Variants in ESRRB observed in about 807,000 individuals in gnomAD.
ESRRB encodes estrogen related receptor beta.
ESRRB carries 16 observed loss-of-function variants against 46.0 expected under a neutral mutation model. That is an observed-to-expected ratio of 0.35 (90% CI 0.24 to 0.53). The LOEUF (loss-of-function observed/expected upper bound fraction) is 0.53, where lower values mean the gene tolerates loss of function less well. Ranked by LOEUF, ESRRB falls within the 20% of genes least tolerant of loss-of-function variation. ESRRB has a pLI of 0.93. For synonymous variants in ESRRB, 246 were observed against 259.6 expected (o/e 0.95, Z 0.50); for missense variants, 488 against 607.4 (o/e 0.80, Z 2.07).
In ESRRB at chr14:76,332,678, ATTATATAT is replaced by A. The variant is rs1327584140; in HGVS notation, c.2+21780_2+21787del. On this transcript the variant is annotated intron_variant, in intron 1 of 6. Transcript: ENST00000512784. ...AAATATATATTATATATATTTATATATTATATATTTATATATTTATATATTATATATAT... is the reference window on the plus strand; with the variant it reads ...AAATATATATTATATATATTTATATATTATATATTTATATATTATATATAT... 3.4e-4 allele frequency among the ~76,000 whole-genome samples: 9 copies of A among 26,744 alleles called. No individual in the cohort carries two copies. The South Asian group carries it at 3.8e-3, about 11-fold the overall frequency. 17.5% of individuals were successfully genotyped at this position (26,744 alleles called of 152,430 possible). A position where few individuals can be genotyped will look rare whatever the true frequency, so the allele number is the denominator to read the frequency against.
upstream of ESRRB, among the ~76,000 whole-genome samples, chr14:76,375,911 C>A (rs1195156298): frequency 1.5e-5 from 2 of 133,938 alleles, no homozygotes; most frequent in African/African-American, 5.5e-5. Flanking sequence ...CCTTTAACTG[C>A]GAGAAGGCAG....
chr14:76,352,202 TA>T lies in ESRRB; in HGVS notation c.2+41290del, dbSNP rs755380918. 9.2e-5 allele frequency among the ~76,000 whole-genome samples: 14 copies of T among 152,200 alleles called. 1 individual carries two copies. Among genetic ancestry groups the T allele is most frequent in the Middle Eastern group, 3.4e-3 (1 of 294 alleles). On this transcript the variant is annotated intron_variant, in intron 1 of 6. Coordinates refer to the ESRRB transcript ENST00000512784. ...TTACCCGCCTGACTTTTTTCGTGTG[TA>T]AAATGAGAATCAGAACAAGTACACG...
chr14:76,439,609 G>A lies in ESRRB; in HGVS notation c.319G>A (p.Asp107Asn). The stretch of plus-strand genomic sequence containing the variant: ...GGACTGTGCCAGCGGCATCATGGAG[G>A]ACTCGGCCATCAAGTGCGAGTACAT... ...YEDCASGIMEDSAIKCEYMLN... is the reference protein window; with the variant it reads ...YEDCASGIMENSAIKCEYMLN... Residue 107 changes from aspartate to asparagine, a missense_variant, in exon 2 of 7, where the codon GAC becomes AAC. Physicochemically the swap from Asp to Asn is conservative, Grantham distance 23 (BLOSUM62 1). Coordinates refer to ENST00000644823, the MANE Select transcript of ESRRB (RefSeq NM_001379180.1). 6.2e-7 allele frequency: 1 copy of A among 1,614,232 alleles called. No homozygotes were observed. Among genetic ancestry groups the A allele is most frequent in the Non-Finnish European group, 8.5e-7 (1 of 1,180,028 alleles).
chr14:76,313,481 C>T (rs1054798316), intron 1 of ESRRB, among the ~76,000 whole-genome samples: 36 of 152,096 alleles, frequency 2.4e-4, no homozygotes, highest in African/African-American at 7.7e-4. Context: ...TTCCCCCCAC[C>T]GCCCTCGAAC....
chr14:76,368,038 CTCCTCCTGGG>C (rs1349092077), upstream of ESRRB, among the ~76,000 whole-genome samples: 2 of 151,298 alleles, frequency 1.3e-5, no homozygotes, highest in African/African-American at 2.4e-5. Context: ...CTGAAGTCCC[CTCCTCCTGGG>C]TTCAAGTGAT....
chr14:76,428,226 G>C (rs1276764672), intron 1 of ESRRB, among the ~76,000 whole-genome samples: 1 of 152,054 alleles, frequency 6.6e-6, no homozygotes, highest in Non-Finnish European at 1.5e-5. Context: ...TCGAACTCCC[G>C]ACCTCAGGTG....
intron 1 of ESRRB, among the ~76,000 whole-genome samples, chr14:76,358,605 TAAAAAGTTGACAAAAGAA>T (rs1159634390): frequency 6.6e-6 from 1 of 152,056 alleles, no homozygotes; most frequent in Non-Finnish European, 1.5e-5. Context: ...TGTACTTCAA[TAAAAAGTTGACAAAAGAA>T]AAAATAAGAA....
intron 2 of ESRRB, among the ~76,000 whole-genome samples, chr14:76,448,616 G>A (rs1320489208): frequency 2.6e-5 from 4 of 151,790 alleles, no homozygotes; most frequent in South Asian, 2.1e-4. Flanking sequence ...GATTACAGAC[G>A]TGAGCCACCG....
At chr14:76,314,862 CT>C (rs1883779563) in intron 1 of ESRRB, among the ~76,000 whole-genome samples, 1 of 152,052 alleles carries the variant, frequency 6.6e-6, no homozygotes, top group South Asian at 2.1e-4. Flanking sequence ...CCTGGCTCCC[CT>C]GGAGAGAGAT....
In ESRRB at chr14:76,491,623, C is replaced by A; in HGVS notation, c.1027C>A (p.Arg343=). ...SRLAGLLELY[R]AILQLVRRYK... ...CCTCGCGGGGCTGCTGGAGCTCTAC[C>A]GGGCCATCCTGCAGCTGGTACGCAG... Residue 343 remains arginine (R), a synonymous_variant, in exon 6 of 7, where the codon CGG becomes AGG. Transcript: ENST00000644823. The A allele has an allele frequency of 6.3e-7, 1 of 1,584,122 alleles. No individual in the cohort carries two copies. The highest frequency in any genetic ancestry group is 2.3e-5 in the East Asian group (1 of 43,938).
At chr14:76,338,719 G>A (rs772959966) in intron 1 of ESRRB, among the ~76,000 whole-genome samples, 1 of 152,192 alleles carries the variant, frequency 6.6e-6, no homozygotes, top group Non-Finnish European at 1.5e-5. Context: ...GCCAAGCTGG[G>A]TGGATCACTT....
intron 1 of ESRRB, among the ~76,000 whole-genome samples, chr14:76,386,967 G>T (rs1049216670): frequency 6.6e-6 from 1 of 152,148 alleles, no homozygotes; most frequent in African/African-American, 2.4e-5. Flanking sequence ...ACGGGTTGGG[G>T]TGCTGGACTG....
intron 1 of ESRRB, among the ~76,000 whole-genome samples, chr14:76,363,631 T>C (rs1884489089): frequency 6.6e-6 from 1 of 152,204 alleles, no homozygotes; most frequent in Non-Finnish European, 1.5e-5. Context: ...TCTTTCTAAA[T>C]ACATGGACAG....
chr14:76,407,711 G>A, intron 1 of ESRRB: 1 of 486,882 alleles, frequency 2.1e-6, no homozygotes, highest in Non-Finnish European at 2.7e-6. Flanking sequence ...TGGTCTGGGT[G>A]CCTCTAGGAG....
rs1446211770 is a variant in ESRRB, at chr14:76,387,305, G to C, written c.50+10854G>C. On this transcript the variant is annotated intron_variant, in intron 1 of 6. Transcript: ENST00000644823. Reference sequence around the variant, plus strand: ...ACACAACCATTGTTTTAAGCCTGATGCCCTCACAGCCCCGGGTACGGGGAA... The same window carrying C: ...ACACAACCATTGTTTTAAGCCTGATCCCCTCACAGCCCCGGGTACGGGGAA... 6.6e-5 allele frequency among the ~76,000 whole-genome samples: 10 copies of C among 152,322 alleles called. No individual in the cohort carries two copies. The East Asian group carries it at 1.9e-3, about 29-fold the overall frequency.
chr14:76,403,687 G>C (rs1162862905), intron 1 of ESRRB, among the ~76,000 whole-genome samples: 1 of 152,108 alleles, frequency 6.6e-6, no homozygotes, highest in Non-Finnish European at 1.5e-5. Context: ...GTGCCAGAGA[G>C]GTGGAGGTGG....
intron 1 of ESRRB, among the ~76,000 whole-genome samples, chr14:76,324,303 C>T (rs1440936780): frequency 6.6e-6 from 1 of 152,170 alleles, no homozygotes; most frequent in Non-Finnish European, 1.5e-5. Context: ...AGAGCTGCCC[C>T]GGCAGGGAGG....
At chr14:76,472,109 T>C (rs138759865) in intron 3 of ESRRB, among the ~76,000 whole-genome samples, 2 of 152,332 alleles carry the variant, frequency 1.3e-5, no homozygotes, top group Non-Finnish European at 2.9e-5. Flanking sequence ...AAGAAGCCTA[T>C]TCGAACCTCA....
chr14:76,447,944 T>A (rs1232580003), intron 2 of ESRRB, among the ~76,000 whole-genome samples: 1 of 152,124 alleles, frequency 6.6e-6, no homozygotes, highest in Non-Finnish European at 1.5e-5. Context: ...GAATCAAAGC[T>A]CCAGAACATG....
Sources: allele counts gnomAD v4.1 joint callset (sites outside exome capture counted in the v4.1 genomes callset), GRCh38; gene constraint gnomAD v4.1.1; transcripts MANE v1.5; gene names NCBI Gene and HGNC (gene_info 2026-07-23, HGNC 2026-07-21).